The following RSU1 variants were observed in gnomAD, a reference collection of about 807,000 sequenced individuals.
RSU1 encodes the protein Ras suppressor protein 1.
In RSU1, 26 loss-of-function variants were observed where a neutral mutation model predicts 31.1. The observed-to-expected ratio is 0.84, with a 90% CI of 0.61 to 1.16. RSU1 has a LOEUF of 1.16. Among genes scored for constraint, RSU1 ranks in the 50% most tolerant of loss-of-function variants. The pLI, the probability that RSU1 is intolerant of heterozygous loss-of-function variation, is 0.00. For missense variants in RSU1, 320 were observed against 339.1 expected (o/e 0.94, Z 0.44); for synonymous variants, 164 against 136.3 (o/e 1.20, Z -1.41).
intron 8 of RSU1, among the ~76,000 whole-genome samples, chr10:16,692,824 T>G (rs1427602890): frequency 6.6e-6 from 1 of 152,214 alleles, no homozygotes; most frequent in Non-Finnish European, 1.5e-5. Flanking sequence ...CATTTTATCC[T>G]TAAGGTAAGT....
At chr10:16,777,277 T>C (rs1837552614) in intron 3 of RSU1, among the ~76,000 whole-genome samples, 1 of 151,802 alleles carries the variant, frequency 6.6e-6, no homozygotes, top group Non-Finnish European at 1.5e-5. Context: ...AAAAAAAAAC[T>C]CAAATATGCC....
chr10:16,708,225 T>G (rs997769070), intron 7 of RSU1, among the ~76,000 whole-genome samples: 1 of 152,216 alleles, frequency 6.6e-6, no homozygotes, highest in African/African-American at 2.4e-5. Context: ...TTAACATATT[T>G]TGTCTGTTAC....
intron 3 of RSU1, among the ~76,000 whole-genome samples, chr10:16,779,976 T>G (rs1290880682): frequency 3.3e-5 from 5 of 152,136 alleles, no homozygotes; most frequent in Admixed American, 3.3e-4. Flanking sequence ...AGGTCAAGAG[T>G]GTCTCAAATG....
At chr10:16,600,097 A>G (rs1408835351) in intron 8 of RSU1, among the ~76,000 whole-genome samples, 1 of 152,220 alleles carries the variant, frequency 6.6e-6, no homozygotes, top group Admixed American at 6.5e-5. Context: ...ACACAAGAGG[A>G]TCAGTTGCTC....
intron 8 of RSU1, among the ~76,000 whole-genome samples, chr10:16,657,213 C>T (rs916484481): frequency 6.6e-6 from 1 of 151,798 alleles, no homozygotes; most frequent in African/African-American, 2.4e-5. Context: ...TCACTGCTAC[C>T]GAGTTTCACA....
chr10:16,720,882 A>C (rs1368749686), intron 7 of RSU1, among the ~76,000 whole-genome samples: 1 of 152,122 alleles, frequency 6.6e-6, no homozygotes, highest in African/African-American at 2.4e-5. Flanking sequence ...ACTGCTTGGG[A>C]GGCTGAGGTG....
Position 16,758,870 on chromosome 10 carries a change from G to A in RSU1, c.282-3881C>T, listed in dbSNP as rs149725202. Among the ~76,000 whole-genome samples, 343 of 152,334 alleles carry A rather than the reference G, an allele frequency of 2.3e-3. 1 individual carries two copies. The highest frequency in any genetic ancestry group is 3.8e-3 in the Non-Finnish European group (257 of 68,034). On this transcript the variant is annotated intron_variant, in intron 4 of 8. Coordinates refer to ENST00000345264, the MANE Select transcript of RSU1 (RefSeq NM_012425.4). Reference sequence around the variant, plus strand: ...TGGTTAATCTCAGGTGACCTCAGGTGTTGAAACATAAAGCTTCGCAGGGCT... The same window carrying A: ...TGGTTAATCTCAGGTGACCTCAGGTATTGAAACATAAAGCTTCGCAGGGCT...
intron 8 of RSU1, among the ~76,000 whole-genome samples, chr10:16,601,381 A>C (rs1268786417): frequency 1.3e-5 from 2 of 152,236 alleles, no homozygotes; most frequent in Non-Finnish European, 2.9e-5. Context: ...AACTCTAAGT[A>C]AAGTTGTATA....
intron 2 of RSU1, among the ~76,000 whole-genome samples, chr10:16,786,273 G>A (rs779124544): frequency 6.6e-6 from 1 of 152,148 alleles, no homozygotes; most frequent in Non-Finnish European, 1.5e-5. Flanking sequence ...TTAGCTGACG[G>A]GTTATAATCT....
intron 3 of RSU1, among the ~76,000 whole-genome samples, chr10:16,778,406 C>G (rs1837582674): frequency 6.6e-6 from 1 of 152,162 alleles, no homozygotes; most frequent in Admixed American, 6.5e-5. Flanking sequence ...CTGTCATTCA[C>G]ATACCTCCTG....
intron 8 of RSU1, among the ~76,000 whole-genome samples, chr10:16,606,901 C>G (rs1833815525): frequency 6.6e-6 from 1 of 152,200 alleles, no homozygotes; most frequent in South Asian, 2.1e-4. Flanking sequence ...TGGCCATCTG[C>G]TCTTGGCACT....
intron 8 of RSU1, among the ~76,000 whole-genome samples, chr10:16,669,300 C>A (rs979503082): frequency 3.9e-5 from 6 of 152,098 alleles, no homozygotes; most frequent in African/African-American, 1.4e-4. Context: ...CAAACCCAGG[C>A]CTGCCTCACT....
At chr10:16,675,016 G>C (rs924872134) in intron 8 of RSU1, among the ~76,000 whole-genome samples, 2 of 152,056 alleles carry the variant, frequency 1.3e-5, no homozygotes, top group Non-Finnish European at 2.9e-5. Context: ...CTGGGCGACA[G>C]AGTGAGACCC....
intron 8 of RSU1, among the ~76,000 whole-genome samples, chr10:16,596,583 G>A (rs377115533): frequency 2.0e-5 from 3 of 152,144 alleles, no homozygotes; most frequent in Non-Finnish European, 2.9e-5. Flanking sequence ...AGGCACCTAC[G>A]GCCTAGGTAG....
At chr10:16,685,581 T>C (rs1554766456) in intron 8 of RSU1, among the ~76,000 whole-genome samples, 1 of 152,156 alleles carries the variant, frequency 6.6e-6, no homozygotes, top group Non-Finnish European at 1.5e-5. Context: ...TAAGCTGTCA[T>C]GGCGCTGATG....
chr10:16,752,421 C>T, intron 7 of RSU1, 118 bp downstream of exon 7: 1 of 728,474 alleles, frequency 1.4e-6, no homozygotes, highest in Non-Finnish European at 2.4e-6. Flanking sequence ...TGATCAGCAT[C>T]GTGTGCCTAG....
intron 7 of RSU1, among the ~76,000 whole-genome samples, chr10:16,731,423 C>T (rs1836509757): frequency 7.0e-6 from 1 of 141,934 alleles, no homozygotes; most frequent in African/African-American, 3.0e-5. Context: ...GAGCGACACT[C>T]CGTCTCAAAA....
intron 8 of RSU1, among the ~76,000 whole-genome samples, chr10:16,638,500 C>T (rs892933156): frequency 2.0e-5 from 3 of 152,162 alleles, no homozygotes; most frequent in African/African-American, 7.2e-5. Context: ...GTAAAGTAGT[C>T]AATCACCGAG....
chr10:16,670,709 C>T lies in RSU1; in HGVS notation c.731+24314G>A, dbSNP rs1835089360. Among the ~76,000 whole-genome samples, 3 of 152,150 alleles carry T rather than the reference C, an allele frequency of 2.0e-5. 1 individual carries two copies. In the South Asian group the frequency reaches 6.2e-4, roughly 32 times the overall value. ...TCATCTTTCATGCTCCCTGCTTTGCCTCTTTTTCTTCTGGTGTTCCCTTGG... is the reference window on the plus strand; with the variant it reads ...TCATCTTTCATGCTCCCTGCTTTGCTTCTTTTTCTTCTGGTGTTCCCTTGG... On this transcript the variant is annotated intron_variant, in intron 8 of 8. Transcript: ENST00000345264.
Sources: gnomAD v4.1 joint callset for allele counts (sites outside exome capture counted in the v4.1 genomes callset) on GRCh38, gnomAD v4.1.1 for gene constraint, MANE v1.5 for transcripts, NCBI Gene and HGNC (gene_info 2026-07-23, HGNC 2026-07-21) for gene names.